Variants in SPOCK1 observed in about 807,000 individuals in gnomAD.
SPOCK1 encodes SPARC (osteonectin), cwcv and kazal like domains proteoglycan 1.
A neutral mutation model predicts 55.3 loss-of-function variants in SPOCK1; 23 were observed. The observed-to-expected ratio is 0.42, with a 90% CI of 0.30 to 0.59. The LOEUF (loss-of-function observed/expected upper bound fraction) is 0.59. Among genes scored for constraint, SPOCK1 ranks in the 20% least tolerant of loss-of-function variants. The probability of loss-of-function intolerance (pLI) is 0.22; values close to 1 mark genes in which losing one functional copy is unlikely to be tolerated. For missense variants in SPOCK1, 499 were observed against 552.5 expected (o/e 0.90, Z 0.97); for synonymous variants, 226 against 221.0 (o/e 1.02, Z -0.20).
At chr5:137,160,639 T>TATATA (rs1561631881) in intron 3 of SPOCK1, among the ~76,000 whole-genome samples, 2 of 85,534 alleles carry the variant, frequency 2.3e-5, no homozygotes, top group Non-Finnish European at 4.4e-5. Context: ...TAATATATAA[T>TATATA]ATATATTTTA....
chr5:137,013,414 G>T (rs1751390375), intron 6 of SPOCK1, among the ~76,000 whole-genome samples: 1 of 152,148 alleles, frequency 6.6e-6, no homozygotes, highest in Non-Finnish European at 1.5e-5. Context: ...TGTTGACTTG[G>T]ACTGCAGCCT....
intron 3 of SPOCK1, among the ~76,000 whole-genome samples, chr5:137,161,938 T>C (rs1484939877): frequency 2.0e-5 from 3 of 152,150 alleles, no homozygotes; most frequent in African/African-American, 7.2e-5. Flanking sequence ...TTCTCATCTT[T>C]GGTGATATAT....
intron 4 of SPOCK1, among the ~76,000 whole-genome samples, chr5:137,123,362 G>A (rs1320321803): frequency 6.6e-6 from 1 of 152,108 alleles, no homozygotes; most frequent in Non-Finnish European, 1.5e-5. Context: ...CCAAAGGTGA[G>A]CTCAAGTAGC....
chr5:137,215,751 G>A (rs1323470132), intron 3 of SPOCK1, among the ~76,000 whole-genome samples: 1 of 152,204 alleles, frequency 6.6e-6, no homozygotes, highest in African/African-American at 2.4e-5. Flanking sequence ...CTCTGAGTTT[G>A]TCAATTTTTG....
intron 2 of SPOCK1, among the ~76,000 whole-genome samples, chr5:137,472,500 G>C (rs186542874): frequency 9.8e-5 from 15 of 152,330 alleles, no homozygotes; most frequent in African/African-American, 3.4e-4. Flanking sequence ...CACGTGTGCT[G>C]CTGGTGGGGG....
intron 4 of SPOCK1, among the ~76,000 whole-genome samples, chr5:137,121,633 T>G (rs907143521): frequency 1.4e-5 from 2 of 147,042 alleles, no homozygotes; most frequent in Admixed American, 6.9e-5. Flanking sequence ...TTATTCTTTA[T>G]TACATATAGT....
intron 3 of SPOCK1, among the ~76,000 whole-genome samples, chr5:137,155,195 C>T (rs1001422810): frequency 1.3e-5 from 2 of 152,204 alleles, no homozygotes; most frequent in East Asian, 3.9e-4. Context: ...CCAAACTGGG[C>T]CCCTTTTCCT....
chr5:137,331,247 C>T (rs1238283884), intron 2 of SPOCK1, among the ~76,000 whole-genome samples: 1 of 152,208 alleles, frequency 6.6e-6, no homozygotes, highest in African/African-American at 2.4e-5. Flanking sequence ...CTAAGTCTGC[C>T]TTGTCATCTC....
At chr5:137,118,408 A>G (rs552488725) in intron 4 of SPOCK1, among the ~76,000 whole-genome samples, 2 of 151,798 alleles carry the variant, frequency 1.3e-5, no homozygotes, top group South Asian at 4.2e-4. Flanking sequence ...TTAACCTTCA[A>G]CTCCGCACGT....
intron 4 of SPOCK1, among the ~76,000 whole-genome samples, chr5:137,112,916 G>A (rs77626843): frequency 0.012 from 1,756 of 152,094 alleles, 12 homozygotes; most frequent in Non-Finnish European, 0.018. Flanking sequence ...TATCACGGGT[G>A]CCCAGAGAAC....
intron 6 of SPOCK1, among the ~76,000 whole-genome samples, chr5:137,031,935 CATAT>C: frequency 6.7e-6 from 1 of 150,348 alleles, no homozygotes; most frequent in East Asian, 2.0e-4. Flanking sequence ...CACATACATA[CATAT>C]GTGTGTGTAT....
chr5:137,192,122 C>T (rs1039309712), intron 3 of SPOCK1, among the ~76,000 whole-genome samples: 23 of 149,998 alleles, frequency 1.5e-4, no homozygotes, highest in Non-Finnish European at 3.1e-4. Flanking sequence ...CCTGTAGTCC[C>T]AGCTACTCGG....
At chr5:137,375,227 C>G (rs925187264) in intron 2 of SPOCK1, among the ~76,000 whole-genome samples, 18 of 152,174 alleles carry the variant, frequency 1.2e-4, no homozygotes, top group Admixed American at 1.0e-3. Flanking sequence ...AATAAACTCA[C>G]AAAAAGGAAT....
intron 3 of SPOCK1, among the ~76,000 whole-genome samples, chr5:137,166,517 C>A (rs1754651448): frequency 6.6e-6 from 1 of 151,040 alleles, no homozygotes; most frequent in Non-Finnish European, 1.5e-5. Flanking sequence ...TACAGAAAAA[C>A]ACAGAATATT....
chr5:137,021,991 C>A (rs1051439192), intron 6 of SPOCK1, among the ~76,000 whole-genome samples: 1 of 152,048 alleles, frequency 6.6e-6, no homozygotes. Flanking sequence ...TCAAAATATG[C>A]TCTTCTTTAT....
chr5:136,999,297 G>A (rs1010229763), intron 6 of SPOCK1, among the ~76,000 whole-genome samples: 4 of 152,030 alleles, frequency 2.6e-5, no homozygotes, highest in Non-Finnish European at 4.4e-5. Flanking sequence ...TAGACTCCCC[G>A]GGCAGTAGTC....
chr5:137,409,177 A>C (rs530643053), intron 2 of SPOCK1, among the ~76,000 whole-genome samples: 57 of 152,154 alleles, frequency 3.7e-4, no homozygotes, highest in Middle Eastern at 3.2e-3. Context: ...CCACCTCCCC[A>C]TCCTCAAAGG....
intron 6 of SPOCK1, among the ~76,000 whole-genome samples, chr5:137,056,443 A>G (rs191633657): frequency 2.6e-5 from 4 of 151,962 alleles, no homozygotes; most frequent in Admixed American, 1.3e-4. Context: ...GGAGTGCAAA[A>G]ACTCCCTGGT....
intron 2 of SPOCK1, among the ~76,000 whole-genome samples, chr5:137,282,167 AG>A (rs1028110261): frequency 3.1e-4 from 47 of 152,350 alleles, no homozygotes; most frequent in African/African-American, 1.1e-3. Flanking sequence ...AGTTGACCCC[AG>A]TATATCCTCT....
Sources: gnomAD v4.1 joint callset for allele counts (sites outside exome capture counted in the v4.1 genomes callset) on GRCh38, gnomAD v4.1.1 for gene constraint, MANE v1.5 for transcripts, NCBI Gene and HGNC (gene_info 2026-07-23, HGNC 2026-07-21) for gene names.